Variants in USP25 observed in about 807,000 individuals in gnomAD.
USP25 encodes the protein ubiquitin carboxyl-terminal hydrolase 25.
USP25 carries 85 observed loss-of-function variants against 158.5 expected under a neutral mutation model. The observed-to-expected ratio is 0.54, with a 90% CI of 0.45 to 0.64. The LOEUF is 0.64. Among genes scored for constraint, USP25 ranks in the 30% least tolerant of loss-of-function variants. The probability of loss-of-function intolerance (pLI) is 0.00; values close to 1 mark genes in which losing one functional copy is unlikely to be tolerated. For missense variants in USP25, 1,242 were observed against 1,327.3 expected, an observed-to-expected ratio of 0.94 and a Z score of 1.00; for synonymous variants, 464 against 460.4, an observed-to-expected ratio of 1.01 and a Z score of -0.10.
intron 20 of USP25, 149 bp downstream of exon 20, chr21:15,850,021 T>G: frequency 1.7e-6 from 1 of 580,240 alleles, no homozygotes; most frequent in South Asian, 2.6e-5. Flanking sequence ...GGGTTTTATT[T>G]TATGTATTAA....
intron 18 of USP25, among the ~76,000 whole-genome samples, chr21:15,844,524 G>A (rs2038488417): frequency 6.6e-6 from 1 of 152,030 alleles, no homozygotes; most frequent in Non-Finnish European, 1.5e-5. Flanking sequence ...ATCAGTCCTA[G>A]CCGCTTTTCA....
In USP25 at chr21:15,866,273, A is replaced by T. The variant is rs1046576439; in HGVS notation, c.2734A>T (p.Asn912Tyr). The T allele has an allele frequency of 1.2e-6, 2 of 1,603,246 alleles. No individual in the cohort carries two copies. Among genetic ancestry groups the T allele is most frequent in the African/African-American group, 2.7e-5 (2 of 74,412 alleles). Reference protein sequence around the residue: ...RNLSFDERCHNIMKVAQAKLE... With the variant: ...RNLSFDERCHYIMKVAQAKLE... The stretch of plus-strand genomic sequence containing the variant: ...TATGTGTTTTTTTTTAAGGTGTCAC[A>T]ACATAATGAAAGTTGCTCAAGCCAA... The change falls in exon 22 of 26, where the codon AAC becomes TAC. Residue 912 changes from asparagine to tyrosine, a missense_variant. Asn to Tyr is a moderately radical substitution (Grantham distance 143, BLOSUM62 -2). Transcript: ENST00000400183.
chr21:15,874,281 T>C, intron 23 of USP25, 122 bp from the exon 24 acceptor site: 1 of 908,576 alleles, frequency 1.1e-6, no homozygotes, highest in Non-Finnish European at 1.6e-6. Context: ...CAGATGATAT[T>C]TTTTATTATA....
chr21:15,747,248 C>T (rs1021267425), intron 1 of USP25, among the ~76,000 whole-genome samples: 4 of 152,004 alleles, frequency 2.6e-5, no homozygotes, highest in African/African-American at 9.7e-5. Flanking sequence ...TTCCAAGACC[C>T]CCAGTGGATG....
At chr21:15,740,663 T>G (rs9984492) in intron 1 of USP25, among the ~76,000 whole-genome samples, 3,581 of 131,058 alleles carry the variant, frequency 0.027, 198 homozygotes, top group African/African-American at 0.13. Flanking sequence ...TTTTTTTTTT[T>G]TTTTTTTTTT....
chr21:15,842,260 G>A (rs1430832979), intron 17 of USP25, 138 bp from the exon 18 acceptor site: 2 of 859,882 alleles, frequency 2.3e-6, no homozygotes, highest in African/African-American at 3.5e-5. Flanking sequence ...GCTATACGTG[G>A]AAAGATATAT....
chr21:15,847,251 A>G (rs2038664476), intron 18 of USP25, among the ~76,000 whole-genome samples: 2 of 152,168 alleles, frequency 1.3e-5, no homozygotes, highest in African/African-American at 4.8e-5. Context: ...TTTTTAAAAA[A>G]TTGTCAGCTA....
intron 20 of USP25, among the ~76,000 whole-genome samples, chr21:15,850,687 G>T (rs2038845662): frequency 6.6e-6 from 1 of 150,744 alleles, no homozygotes; most frequent in Admixed American, 6.6e-5. Flanking sequence ...TTCATTTTCT[G>T]TATTTTGCCA....
At chr21:15,792,208 T>A (rs1057271019) in intron 5 of USP25, among the ~76,000 whole-genome samples, 4 of 151,380 alleles carry the variant, frequency 2.6e-5, no homozygotes, top group Non-Finnish European at 4.4e-5. Flanking sequence ...TACTAAGAAA[T>A]CCCTTAATGA....
chr21:15,861,053 A>G (rs969919351), intron 20 of USP25, among the ~76,000 whole-genome samples: 4 of 151,874 alleles, frequency 2.6e-5, no homozygotes, highest in Admixed American at 6.6e-5. Context: ...GTTTTACAGT[A>G]TTACTTAGAA....
intron 5 of USP25, among the ~76,000 whole-genome samples, chr21:15,797,449 G>T (rs1377388192): frequency 6.6e-6 from 1 of 151,288 alleles, no homozygotes; most frequent in Non-Finnish European, 1.5e-5. Context: ...TAAACATCAA[G>T]TCACACATAA....
chr21:15,764,749 T>C (rs1159609082), intron 2 of USP25, among the ~76,000 whole-genome samples: 2 of 152,148 alleles, frequency 1.3e-5, no homozygotes, highest in Non-Finnish European at 2.9e-5. Context: ...TATTTAACAA[T>C]AGTGTATCTT....
In USP25 at chr21:15,805,159, T is replaced by C. The variant is rs1312803617; in HGVS notation, c.681T>C (p.Tyr227=). ...TGCCTTTTATGCGTGAGCTGAGGTA[T>C]CTATTTGCACTTCTTGTTGGTACCA... The part of the protein sequence containing the change: ...RNLPFMRELR[Y]LFALLVGTKR... The change falls in exon 7 of 26, where the codon TAT becomes TAC. Residue 227 remains tyrosine, a synonymous_variant. Coordinates refer to ENST00000400183, the MANE Select transcript of USP25 (RefSeq NM_001283041.3). 4 of 1,605,850 alleles carry C rather than the reference T, an allele frequency of 2.5e-6. No homozygotes were observed. Among genetic ancestry groups the C allele is most frequent in the Non-Finnish European group, 3.4e-6 (4 of 1,176,786 alleles).
intron 7 of USP25, among the ~76,000 whole-genome samples, chr21:15,808,497 G>A (rs999700159): frequency 3.9e-5 from 6 of 151,970 alleles, no homozygotes; most frequent in Non-Finnish European, 8.8e-5. Context: ...CTTTGGGTGG[G>A]GAGTAATGAT....
chr21:15,857,690 AT>A (rs1449253926), intron 20 of USP25, among the ~76,000 whole-genome samples: 1 of 152,014 alleles, frequency 6.6e-6, no homozygotes, highest in African/African-American at 2.4e-5. Context: ...TTTTAAATTT[AT>A]TTTTTGTGTC....
intron 6 of USP25, among the ~76,000 whole-genome samples, chr21:15,801,257 T>C (rs2036119721): frequency 6.6e-6 from 1 of 151,518 alleles, no homozygotes; most frequent in South Asian, 2.1e-4. Flanking sequence ...TGAGGCCATG[T>C]TAGTTTGTAT....
intron 20 of USP25, among the ~76,000 whole-genome samples, chr21:15,850,314 A>G (rs1433477994): frequency 6.6e-6 from 1 of 151,576 alleles, no homozygotes; most frequent in Non-Finnish European, 1.5e-5. Flanking sequence ...TTATAAAATG[A>G]TTTATTTATT....
At chr21:15,833,206 C>T in intron 16 of USP25, 142 bp from the exon 17 acceptor site, 2 of 700,080 alleles carry the variant, frequency 2.9e-6, no homozygotes, top group Non-Finnish European at 2.3e-6. Flanking sequence ...ATTTGCTAAG[C>T]AATAGTAATT....
intron 4 of USP25, among the ~76,000 whole-genome samples, chr21:15,789,182 T>G (rs2123595890): frequency 6.6e-6 from 1 of 152,224 alleles, no homozygotes; most frequent in Admixed American, 6.5e-5. Context: ...ATGTTTACAT[T>G]AAATATTTTG....
Sources: gnomAD v4.1 joint callset for allele counts (sites outside exome capture counted in the v4.1 genomes callset) on GRCh38, gnomAD v4.1.1 for gene constraint, MANE v1.5 for transcripts, NCBI Gene and HGNC (gene_info 2026-07-23, HGNC 2026-07-21) for gene names.